Variants in GLI3 observed in about 807,000 individuals in gnomAD.
GLI3 encodes the protein transcription activator GLI3.
In GLI3, 20 loss-of-function variants were observed where a neutral mutation model predicts 100.8. The observed-to-expected ratio is 0.20, with a 90% CI of 0.14 to 0.29. The LOEUF (loss-of-function observed/expected upper bound fraction) is 0.29. Among genes scored for constraint, GLI3 ranks in the 10% least tolerant of loss-of-function variants. The pLI, the probability that GLI3 is intolerant of heterozygous loss-of-function variation, is 1.00. For missense variants in GLI3, 2,040 were observed against 2,128.5 expected (o/e 0.96, Z 0.82); for synonymous variants, 938 against 860.5 (o/e 1.09, Z -1.58).
intron 2 of GLI3, among the ~76,000 whole-genome samples, chr7:42,156,628 G>GT (rs1218059738): frequency 2.0e-5 from 3 of 152,216 alleles, no homozygotes; most frequent in African/African-American, 7.2e-5. Flanking sequence ...AGGCCAGAGT[G>GT]TCCAGGTTGC....
At chr7:42,155,622 C>T (rs1157776051) in intron 2 of GLI3, among the ~76,000 whole-genome samples, 2 of 152,050 alleles carry the variant, frequency 1.3e-5, no homozygotes, top group African/African-American at 4.8e-5. Context: ...GAGCTCAAAC[C>T]AAGGCAAAAT....
intron 3 of GLI3, chr7:42,145,455 T>C (rs1018039429): frequency 2.5e-6 from 1 of 398,086 alleles, no homozygotes; most frequent in East Asian, 3.6e-5. Flanking sequence ...AAAAAAGTTA[T>C]AGTCGATCTA....
Position 42,122,016 on chromosome 7 carries a change from CT to C in GLI3, c.367+26209del, listed in dbSNP as rs1786012724. ...CTCCCCTTGGCTTGAGGGCCATTAC[CT>C]CCCAGGCTTCCACACCTGTAACTTT... On this transcript the variant is annotated intron_variant, in intron 3 of 14. Coordinates refer to ENST00000395925, the MANE Select transcript of GLI3 (RefSeq NM_000168.6). Among the ~76,000 whole-genome samples, 3 of 152,092 alleles carry C rather than the reference CT, an allele frequency of 2.0e-5. No homozygotes were observed. In the South Asian group the frequency reaches 6.2e-4, roughly 31 times the overall value.
intron 3 of GLI3, among the ~76,000 whole-genome samples, chr7:42,094,211 A>C (rs138714458): frequency 2.6e-5 from 4 of 152,200 alleles, no homozygotes; most frequent in Non-Finnish European, 5.9e-5. Flanking sequence ...CTTAAAGTTT[A>C]GACAGGACAA....
intron 2 of GLI3, among the ~76,000 whole-genome samples, chr7:42,220,614 G>C (rs573046079): frequency 1.3e-5 from 2 of 152,232 alleles, no homozygotes; most frequent in South Asian, 4.1e-4. Flanking sequence ...CATAATCCTG[G>C]GACTGTAAAA....
chr7:42,128,475 G>A, intron 3 of GLI3, among the ~76,000 whole-genome samples: 1 of 152,190 alleles, frequency 6.6e-6, no homozygotes, highest in Non-Finnish European at 1.5e-5. Flanking sequence ...TTGGAAAGCT[G>A]CCTCTTTAAT....
chr7:42,035,073 G>A (rs1583496763), intron 7 of GLI3, among the ~76,000 whole-genome samples: 1 of 152,312 alleles, frequency 6.6e-6, no homozygotes, highest in African/African-American at 2.4e-5. Flanking sequence ...GTAAATGAGA[G>A]CTATCTTTTT....
At chr7:42,256,731 C>G (rs1053350814) in intron 1 of GLI3, among the ~76,000 whole-genome samples, 1 of 152,044 alleles carries the variant, frequency 6.6e-6, no homozygotes, top group African/African-American at 2.4e-5. Context: ...TCCAAATTTG[C>G]TTTTTCCCCC....
chr7:42,102,872 T>A (rs1003325212), intron 3 of GLI3, among the ~76,000 whole-genome samples: 1 of 152,166 alleles, frequency 6.6e-6, no homozygotes, highest in East Asian at 1.9e-4. Flanking sequence ...CCGGTCACAC[T>A]GGCGCAGAAA....
chr7:42,211,114 G>A (rs925162196), intron 2 of GLI3, among the ~76,000 whole-genome samples: 10 of 150,700 alleles, frequency 6.6e-5, no homozygotes, highest in East Asian at 3.9e-4. Flanking sequence ...AATTTTGTAC[G>A]AAACTGATCA....
intron 3 of GLI3, among the ~76,000 whole-genome samples, chr7:42,092,520 G>A (rs1027166323): frequency 3.3e-5 from 5 of 152,164 alleles, no homozygotes; most frequent in Non-Finnish European, 7.4e-5. Context: ...CACTGTGGGG[G>A]CTGACCATGA....
At chr7:42,003,706 T>A (rs917878198) in intron 10 of GLI3, among the ~76,000 whole-genome samples, 2 of 152,186 alleles carry the variant, frequency 1.3e-5, no homozygotes, top group Non-Finnish European at 2.9e-5. Context: ...GATTTTATTC[T>A]CAAAAGGCTG....
chr7:42,260,392 CTGTTATACT>C, intron 1 of GLI3, among the ~76,000 whole-genome samples: 1 of 152,114 alleles, frequency 6.6e-6, no homozygotes, highest in Non-Finnish European at 1.5e-5. Context: ...TATTGAATAG[CTGTTATACT>C]TCTCTGGTAA....
chr7:42,200,704 G>A (rs1443639061), intron 2 of GLI3, among the ~76,000 whole-genome samples: 1 of 151,722 alleles, frequency 6.6e-6, no homozygotes, highest in African/African-American at 2.4e-5. Flanking sequence ...GTTATGAGAA[G>A]GAAGGTCAGG....
rs757550399 is a variant in GLI3 at position 42,032,240 on chromosome 7, G to GA, written c.1029-5829dup. On this transcript the variant is annotated intron_variant, in intron 7 of 14. Transcript: ENST00000395925. Reference sequence around the variant, plus strand: ...TACAAATCCCATTTATATTGCCAAAGAAAAAAAAAATTATTTGTAACCAGA... The same window carrying GA: ...TACAAATCCCATTTATATTGCCAAAGAAAAAAAAAAATTATTTGTAACCAGA... Among the ~76,000 whole-genome samples, 630 of 147,474 alleles carry GA rather than the reference G, an allele frequency of 4.3e-3. 4 individuals are homozygous for GA. Among genetic ancestry groups the GA allele is most frequent in the Admixed American group, 0.015 (225 of 14,884 alleles).
Position 42,210,284 on chromosome 7 carries a change from T to C in GLI3, c.124+12846A>G, listed in dbSNP as rs148976952. 1.5e-3 allele frequency among the ~76,000 whole-genome samples: 225 copies of C among 151,382 alleles called. 3 individuals carry two copies. Among genetic ancestry groups the C allele is most frequent in the African/African-American group, 5.2e-3 (213 of 41,154 alleles). ...CCACAAGAGAGAATTTCTATAAAAA[T>C]TGTACTCTTGTTTTTAAGCACATAT... On this transcript the variant is annotated intron_variant, in intron 2 of 14. Coordinates refer to ENST00000395925, the MANE Select transcript of GLI3 (RefSeq NM_000168.6).
chr7:42,067,947 T>C (rs1472357037), intron 4 of GLI3, among the ~76,000 whole-genome samples: 1 of 152,230 alleles, frequency 6.6e-6, no homozygotes, highest in African/African-American at 2.4e-5. Context: ...AAATTTTAAA[T>C]ATCTGTCACT....
chr7:42,110,208 ATTG>A (rs915382781), intron 3 of GLI3, among the ~76,000 whole-genome samples: 1 of 152,234 alleles, frequency 6.6e-6, no homozygotes, highest in African/African-American at 2.4e-5. Flanking sequence ...TCCAAAATTT[ATTG>A]TTAGTATCTC....
At chr7:42,258,054 C>T (rs17755316) in intron 1 of GLI3, among the ~76,000 whole-genome samples, 55,544 of 151,904 alleles carry the variant, frequency 0.37, 10,734 homozygotes, top group East Asian at 0.45. Flanking sequence ...ATTCTTTACA[C>T]GCTGGATTTT....
Sources: allele counts gnomAD v4.1 joint callset (sites outside exome capture counted in the v4.1 genomes callset), GRCh38; gene constraint gnomAD v4.1.1; transcripts MANE v1.5; gene names NCBI Gene and HGNC (gene_info 2026-07-23, HGNC 2026-07-21).